The following PTPN5 variants were observed in gnomAD, a reference collection of about 807,000 sequenced individuals.
PTPN5 encodes the protein tyrosine-protein phosphatase non-receptor type 5.
PTPN5 carries 29 observed loss-of-function variants against 73.9 expected under a neutral mutation model. That is an observed-to-expected ratio of 0.39 (90% confidence interval 0.29 to 0.54). The LOEUF (loss-of-function observed/expected upper bound fraction) is 0.54, where lower values mean the gene tolerates loss of function less well. Among genes scored for constraint, PTPN5 ranks in the 20% least tolerant of loss-of-function variants. PTPN5 has a pLI of 0.65. For missense variants in PTPN5, 652 were observed against 751.4 expected (o/e 0.87, Z 1.55); for synonymous variants, 267 against 304.7 (o/e 0.88, Z 1.29).
In PTPN5 at chr11:18,740,687, G is replaced by A; in HGVS notation, c.831C>T (p.Tyr277=). 1 of 1,609,174 alleles carries A rather than the reference G, an allele frequency of 6.2e-7. No homozygotes were observed. Among genetic ancestry groups the A allele is most frequent in the Non-Finnish European group, 8.5e-7 (1 of 1,177,358 alleles). The change falls in exon 8 of 15, where the codon TAC becomes TAT. Residue 277 remains tyrosine, a synonymous_variant. Coordinates refer to ENST00000358540, the MANE Select transcript of PTPN5 (RefSeq NM_006906.2). ...GGAGGACACGGGAGGCGCTGAGCAG[G>A]TACTCGCGGGCGGACTCCTCACGTG... ...MSPREESARE[Y]LLSASRVLQA...
At chr11:18,739,622 G>A (rs775133192) in intron 8 of PTPN5, among the ~76,000 whole-genome samples, 17 of 152,226 alleles carry the variant, frequency 1.1e-4, no homozygotes, top group East Asian at 1.9e-4. Flanking sequence ...AGAGCTACCC[G>A]GTCCAGACAG....
chr11:18,748,571 C>T (rs943729896), intron 3 of PTPN5, among the ~76,000 whole-genome samples: 9 of 151,902 alleles, frequency 5.9e-5, no homozygotes, highest in African/African-American at 2.2e-4. Context: ...ATGTTTCAAA[C>T]ACACTCTATA....
chr11:18,770,012 C>T (rs967046390), intron 2 of PTPN5, among the ~76,000 whole-genome samples: 2 of 152,144 alleles, frequency 1.3e-5, no homozygotes, highest in Admixed American at 1.3e-4. Context: ...GGCTCTCTCA[C>T]ACCTGGTCTG....
At chr11:18,763,248 T>G (rs906112063) in intron 3 of PTPN5, among the ~76,000 whole-genome samples, 17 of 152,190 alleles carry the variant, frequency 1.1e-4, no homozygotes, top group African/African-American at 4.1e-4. Context: ...AACTCCTGTC[T>G]GGAACAAACG....
At chr11:18,759,332 C>T (rs1205100767) in intron 3 of PTPN5, among the ~76,000 whole-genome samples, 2 of 152,144 alleles carry the variant, frequency 1.3e-5, no homozygotes, top group Non-Finnish European at 2.9e-5. Flanking sequence ...CATATTACTA[C>T]CCTTATTCTA....
chr11:18,790,123 T>A (rs952100091), intron 1 of PTPN5, among the ~76,000 whole-genome samples: 1 of 151,820 alleles, frequency 6.6e-6, no homozygotes, highest in East Asian at 2.0e-4. Context: ...GCACCAGGCA[T>A]CAGGCTCAGC....
intron 3 of PTPN5, among the ~76,000 whole-genome samples, chr11:18,754,083 C>G (rs867274679): frequency 3.3e-5 from 5 of 152,090 alleles, no homozygotes; most frequent in Admixed American, 6.5e-5. Context: ...AAAGAGAGAG[C>G]CAGTATGGCC....
chr11:18,780,464 G>T (rs1851365826), intron 1 of PTPN5, among the ~76,000 whole-genome samples: 2 of 152,114 alleles, frequency 1.3e-5, no homozygotes, highest in Non-Finnish European at 2.9e-5. Context: ...TCTCATCAGG[G>T]CCCCTGCCCC....
intron 1 of PTPN5, among the ~76,000 whole-genome samples, chr11:18,786,279 T>C (rs1221946734): frequency 6.6e-6 from 1 of 152,078 alleles, no homozygotes; most frequent in Non-Finnish European, 1.5e-5. Context: ...CTCGGCTCAC[T>C]GCAAGCTCCG....
chr11:18,742,413 TGAA>T lies in PTPN5; in HGVS notation c.571_573del (p.Phe191del). 1 of 1,613,908 alleles carries T rather than the reference TGAA, an allele frequency of 6.2e-7. No individual in the cohort carries two copies. Among genetic ancestry groups the T allele is most frequent in the Non-Finnish European group, 8.5e-7 (1 of 1,179,932 alleles). ...TTCTCCTCCATCCACTCTGAGTAGG[TGAA>T]GGAGGGCTGGCGGCTCACTGACTGG... is the stretch of plus-strand genomic sequence containing the variant. On this transcript the variant is annotated inframe_deletion, in exon 7 of 15. Coordinates refer to ENST00000358540, the MANE Select transcript of PTPN5 (RefSeq NM_006906.2). The surrounding 1 kb of genome is among the most constrained non-coding windows in gnomAD (Gnocchi z 4.1).
At chr11:18,759,977 G>A (rs533972844) in intron 3 of PTPN5, among the ~76,000 whole-genome samples, 15 of 152,268 alleles carry the variant, frequency 9.9e-5, no homozygotes, top group Admixed American at 9.8e-4. Flanking sequence ...TGACACAGCA[G>A]GTTCCTGAAG....
At chr11:18,764,156 T>C (rs1343546929) in intron 3 of PTPN5, among the ~76,000 whole-genome samples, 1 of 152,220 alleles carries the variant, frequency 6.6e-6, no homozygotes, top group Non-Finnish European at 1.5e-5. Flanking sequence ...TATCTAGTAC[T>C]TGAATGCCTC....
intron 1 of PTPN5, among the ~76,000 whole-genome samples, chr11:18,778,107 G>A (rs995388143): frequency 2.0e-5 from 3 of 152,166 alleles, no homozygotes; most frequent in Non-Finnish European, 4.4e-5. Context: ...ATTGTGAAGA[G>A]TCATGCTGCC....
intron 7 of PTPN5, 132 bp from the exon 8 acceptor site, chr11:18,740,924 G>C (rs975153850): frequency 1.0e-5 from 5 of 489,158 alleles, no homozygotes; most frequent in African/African-American, 8.0e-5. Flanking sequence ...AAGAGGAGTG[G>C]GAGTGTGACA....
intron 3 of PTPN5, among the ~76,000 whole-genome samples, chr11:18,759,999 G>A (rs1444940976): frequency 1.3e-5 from 2 of 152,104 alleles, no homozygotes; most frequent in East Asian, 3.9e-4. Context: ...CATGAATCGA[G>A]ACCCTATTCA....
At chr11:18,792,484 G>C (rs1383410385), upstream of PTPN5, 3 of 152,442 alleles carry the variant, frequency 2.0e-5, no homozygotes, top group African/African-American at 7.2e-5. Context: ...CGTGCGGCGC[G>C]GGGCACGCAC....
chr11:18,733,355 C>T lies in PTPN5; in HGVS notation c.1098G>A (p.Glu366=), dbSNP rs761781592. 1 of 1,613,942 alleles carries T rather than the reference C, an allele frequency of 6.2e-7. No individual in the cohort carries two copies. Among genetic ancestry groups the T allele is most frequent in the Non-Finnish European group, 8.5e-7 (1 of 1,179,852 alleles). ...GTCCCTGAGTGGCGATGTACACCTT[C>T]TCCTCCCCACCATAGCCCTGCGGCC... The part of the protein sequence containing the change: ...ANYIRGYGGE[E]KVYIATQGPI... The change falls in exon 11 of 15, where the codon GAG becomes GAA. Residue 366 remains glutamate (E), a synonymous_variant. Coordinates refer to ENST00000358540, the MANE Select transcript of PTPN5 (RefSeq NM_006906.2). The surrounding 1 kb of genome is among the most constrained non-coding windows in gnomAD (Gnocchi z 4.3).
rs1415246953 is a variant in PTPN5 at position 18,733,794 on chromosome 11, T to C, written c.1001-159A>G. Among the ~76,000 whole-genome samples the C allele has an allele frequency of 2.0e-5, 3 of 152,216 alleles. No homozygotes were observed. The highest frequency in any genetic ancestry group is 2.0e-4 in the Admixed American group (3 of 15,282). ...AACATTGACCCATTCATGGTTCATT[T>C]TGTAGGTGAGGACTCAGGATGAGGA... On this transcript the variant is annotated intron_variant, in intron 9 of 14. Transcript: ENST00000358540. This position sits in a 1 kb window ranked among gnomAD's most constrained non-coding sequence, Gnocchi z 4.3.
chr11:18,749,550 G>A (rs1849792078), intron 3 of PTPN5: 1 of 517,090 alleles, frequency 1.9e-6, no homozygotes, highest in Non-Finnish European at 3.9e-6. Context: ...TTTTGTGCCT[G>A]GTCCCCAGCT....
Sources: allele counts gnomAD v4.1 joint callset (sites outside exome capture counted in the v4.1 genomes callset), GRCh38; gene constraint gnomAD v4.1.1; non-coding constraint Gnocchi (gnomAD v3.1); transcripts MANE v1.5; gene names NCBI Gene and HGNC (gene_info 2026-07-23, HGNC 2026-07-21).